The following EIPR1 variants were observed in gnomAD, a reference collection of about 807,000 sequenced individuals.
The protein encoded by EIPR1 is EARP and GARP complex-interacting protein 1.
Under a neutral mutation model 48.1 loss-of-function variants are expected in EIPR1, and 25 were observed. That is an observed-to-expected ratio of 0.52 (90% CI 0.38 to 0.73). The LOEUF is 0.73. Among genes scored for constraint, EIPR1 ranks in the 30% least tolerant of loss-of-function variants. The pLI, the probability that EIPR1 is intolerant of heterozygous loss-of-function variation, is 0.00. For synonymous variants in EIPR1, 204 were observed against 201.9 expected (o/e 1.01, Z -0.09); for missense variants, 415 against 506.2 (o/e 0.82, Z 1.73).
chr2:3,288,528 C>T (rs1668274543), intron 3 of EIPR1, among the ~76,000 whole-genome samples: 1 of 152,174 alleles, frequency 6.6e-6, no homozygotes, highest in Admixed American at 6.5e-5. Context: ...AGAACACAAG[C>T]CAGGAAGAAA....
intron 5 of EIPR1, chr2:3,208,925 G>A (rs1308754768): frequency 3.9e-6 from 6 of 1,532,758 alleles, no homozygotes; most frequent in Non-Finnish European, 5.3e-6. Flanking sequence ...CAGGGTCCGT[G>A]CACGCTCCTT....
chr2:3,345,948 A>AACCACCACCACC (rs539173395), intron 2 of EIPR1, among the ~76,000 whole-genome samples: 1 of 152,006 alleles, frequency 6.6e-6, no homozygotes, highest in African/African-American at 2.4e-5. Context: ...GTCCAGTGAA[A>AACCACCACCACC]ACCACCACCA....
chr2:3,289,056 G>C, intron 3 of EIPR1, among the ~76,000 whole-genome samples: 1 of 152,228 alleles, frequency 6.6e-6, no homozygotes, highest in East Asian at 1.9e-4. Context: ...CAGCTTTCTG[G>C]AGTTTTAATT....
At chr2:3,239,171 G>C (rs959741750) in intron 4 of EIPR1, among the ~76,000 whole-genome samples, 6 of 152,370 alleles carry the variant, frequency 3.9e-5, no homozygotes, top group Non-Finnish European at 8.8e-5. Flanking sequence ...CAGGGACAAG[G>C]AGGCGCCAAG....
At chr2:3,350,760 C>T (rs1311477154) in intron 2 of EIPR1, among the ~76,000 whole-genome samples, 1 of 152,072 alleles carries the variant, frequency 6.6e-6, no homozygotes, top group Non-Finnish European at 1.5e-5. Flanking sequence ...TACGGATTCA[C>T]ACACAGACAA....
At chr2:3,199,310 G>A (rs1173826189) in intron 5 of EIPR1, among the ~76,000 whole-genome samples, 1 of 152,092 alleles carries the variant, frequency 6.6e-6, no homozygotes. Context: ...CGAACAATGT[G>A]TGCAGTTAAT....
intron 4 of EIPR1, among the ~76,000 whole-genome samples, chr2:3,224,154 T>C (rs1322026988): frequency 2.6e-5 from 4 of 152,184 alleles, no homozygotes; most frequent in African/African-American, 9.7e-5. Context: ...CCGGCTAAAC[T>C]TGTCTCCCTG....
At chr2:3,367,908 G>A (rs561636029) in intron 1 of EIPR1, among the ~76,000 whole-genome samples, 11 of 152,084 alleles carry the variant, frequency 7.2e-5, no homozygotes, top group South Asian at 2.1e-4. Context: ...AGCCAGGCGC[G>A]GTGGCAGGCG....
At chr2:3,257,705 A>C (rs957413174) in intron 3 of EIPR1, 14 of 381,382 alleles carry the variant, frequency 3.7e-5, no homozygotes, top group Admixed American at 3.1e-4. Context: ...ATGCTGTTTC[A>C]AAAGAAAATT....
chr2:3,296,105 T>TAC (rs201528992), intron 3 of EIPR1, among the ~76,000 whole-genome samples: 5 of 91,996 alleles, frequency 5.4e-5, no homozygotes, highest in Non-Finnish European at 6.4e-5. Flanking sequence ...CCATCCTCTC[T>TAC]ACACACACAC....
At chr2:3,237,750 C>T (rs1035913719) in intron 4 of EIPR1, among the ~76,000 whole-genome samples, 2 of 152,222 alleles carry the variant, frequency 1.3e-5, no homozygotes, top group Admixed American at 1.3e-4. Flanking sequence ...GTGCCTGCAT[C>T]TCTCTGAGCC....
intron 1 of EIPR1, among the ~76,000 whole-genome samples, chr2:3,364,873 AAT>A (rs1670936503): frequency 6.6e-6 from 1 of 152,218 alleles, no homozygotes; most frequent in East Asian, 1.9e-4. Flanking sequence ...AATAGGTACA[AAT>A]ATACAGTTGG....
At chr2:3,291,919 C>T (rs1668376250) in intron 3 of EIPR1, among the ~76,000 whole-genome samples, 1 of 152,240 alleles carries the variant, frequency 6.6e-6, no homozygotes, top group Admixed American at 6.5e-5. Flanking sequence ...ATGCTGTCAG[C>T]CCCAAGCCTG....
rs143613563 is a variant in EIPR1, at chr2:3,360,685, C to G, written c.43-6052G>C. Among the ~76,000 whole-genome samples the G allele has an allele frequency of 2.1e-3, 320 of 152,306 alleles. 1 individual carries two copies. Among genetic ancestry groups the G allele is most frequent in the Middle Eastern group, 0.017 (5 of 294 alleles). On this transcript the variant is annotated intron_variant, in intron 1 of 8. Coordinates refer to ENST00000382125, the MANE Select transcript of EIPR1 (RefSeq NM_003310.5). ...ACTAGGTTAAGCAAGTAAGTGGTTT[C>G]CAGAAACAGGTAGCAAACCGTGTCC... is the stretch of plus-strand genomic sequence containing the variant.
chr2:3,208,901 A>C, intron 5 of EIPR1: 1 of 1,547,910 alleles, frequency 6.5e-7, no homozygotes, highest in South Asian at 1.2e-5. Flanking sequence ...CCAGCCTGGG[A>C]ATGATGGCAC....
chr2:3,261,565 G>A (rs1004745769), intron 3 of EIPR1: 2 of 152,266 alleles, frequency 1.3e-5, no homozygotes, highest in Non-Finnish European at 2.9e-5. Flanking sequence ...CCATTCCCTG[G>A]GCAAAGGGTA....
chr2:3,257,448 G>C lies in EIPR1; in HGVS notation c.267C>G (p.Asp89Glu). 6.2e-7 allele frequency: 1 copy of C among 1,614,154 alleles called. No individual in the cohort carries two copies. The highest frequency in any genetic ancestry group is 8.5e-7 in the Non-Finnish European group (1 of 1,180,012). ...VLTTCYNRTS[D>E]SKVLTCAAVW... ...CGGCTGCACATGTCAGGACTTTGCT[G>C]TCTGAAGCTGAGCAACAGAGCATAA... The change falls in exon 4 of 9, where the codon GAC (aspartate) becomes GAG (glutamate). Residue 89 changes from aspartate to glutamate, a missense_variant. Physicochemically the swap from Asp to Glu is conservative, Grantham distance 45. Coordinates refer to ENST00000382125, the MANE Select transcript of EIPR1 (RefSeq NM_003310.5).
At chr2:3,358,247 G>C (rs1670775328) in intron 1 of EIPR1, among the ~76,000 whole-genome samples, 1 of 152,156 alleles carries the variant, frequency 6.6e-6, no homozygotes, top group Non-Finnish European at 1.5e-5. Context: ...AGTCTGCCTA[G>C]TTTTGACTTG....
At chr2:3,207,771 T>C (rs1425746325) in intron 5 of EIPR1, 1 of 152,278 alleles carries the variant, frequency 6.6e-6, no homozygotes. Flanking sequence ...CTAGCCACTT[T>C]TGTTTTTTAA....
Sources: allele counts gnomAD v4.1 joint callset (sites outside exome capture counted in the v4.1 genomes callset), GRCh38; gene constraint gnomAD v4.1.1; transcripts MANE v1.5; gene names NCBI Gene and HGNC (gene_info 2026-07-23, HGNC 2026-07-21).